The following TTLL3 variants were observed in gnomAD, a reference collection of about 807,000 sequenced individuals.
The protein encoded by TTLL3 is tubulin monoglycylase TTLL3.
TTLL3 carries 63 observed loss-of-function variants against 75.2 expected under a neutral mutation model. That is an observed-to-expected ratio of 0.84 (90% confidence interval 0.68 to 1.03). The LOEUF (loss-of-function observed/expected upper bound fraction) is 1.03, where lower values mean the gene tolerates loss of function less well. Ranked by LOEUF, TTLL3 falls within the 50% of genes least tolerant of loss-of-function variation. TTLL3 has a pLI of 0.00. For missense variants in TTLL3, 997 were observed against 1,069.9 expected, an observed-to-expected ratio of 0.93 and a Z score of 0.95; for synonymous variants, 393 against 418.5, an observed-to-expected ratio of 0.94 and a Z score of 0.74.
upstream of TTLL3, chr3:9,809,767 G>A (rs1012030455): frequency 3.0e-4 from 109 of 366,082 alleles, 3 homozygotes; most frequent in Non-Finnish European, 7.3e-5. Context: ...GGGTCTGGGT[G>A]AGGCCCCAGG....
chr3:9,833,371 G>C, intron 12 of TTLL3, 126 bp downstream of exon 12: 16 of 1,466,906 alleles, frequency 1.1e-5, no homozygotes, highest in Non-Finnish European at 1.5e-5. Context: ...GGGGAAGAAA[G>C]GCAAGGCGAA....
At position 9,823,169 on chromosome 3, in the gene TTLL3, A is replaced by G. The variant is rs376181369; in HGVS notation, c.854+2428A>G. 1.3e-4 allele frequency among the ~76,000 whole-genome samples: 20 copies of G among 151,856 alleles called. 1 individual carries two copies. In the East Asian group the frequency reaches 1.4e-3, roughly 10 times the overall value. ...GAGGCCAAGGCGGGCAGATCATGAG[A>G]TCAGGAGATCGAGACCATCCTGGCT... On this transcript the variant is annotated intron_variant, in intron 8 of 13. Transcript: ENST00000685419.
Position 9,835,292 on chromosome 3 carries a change from A to C in TTLL3, c.2251A>C (p.Thr751Pro). The C allele has an allele frequency of 6.2e-7, 1 of 1,614,206 alleles. No homozygotes were observed. The highest frequency in any genetic ancestry group is 1.3e-5 in the African/African-American group (1 of 75,062). The change falls in exon 14 of 14, where the codon ACA becomes CCA. Residue 751 changes from threonine (T) to proline (P), a missense_variant. Physicochemically the swap from Thr to Pro is conservative, Grantham distance 38 (BLOSUM62 -1). Transcript: ENST00000685419. Reference protein sequence around the residue: ...SPLKPLPLVGTFQRRRGLGDM... With the variant: ...SPLKPLPLVGPFQRRRGLGDM... The stretch of plus-strand genomic sequence containing the variant: ...CCTGAAACCCCTGCCCCTTGTTGGT[A>C]CATTCCAGAGGCGCAGGGGCCTGGG...
In TTLL3 at chr3:9,835,589, G is replaced by C; in HGVS notation, c.*100G>C. 1 of 1,212,140 alleles carries C rather than the reference G, an allele frequency of 8.2e-7. No homozygotes were observed. The highest frequency in any genetic ancestry group is 1.5e-5 in the African/African-American group (1 of 65,944). 75.1% of individuals were successfully genotyped at this position (1,212,140 alleles called of 1,614,324 possible). A position where few individuals can be genotyped will look rare whatever the true frequency, so the allele number is the denominator to read the frequency against. ...GGACTCCCCCAGCATCTCCGATCCAGGGGTGGGGAGCGTGAGCCTTCACTT... is the reference window on the plus strand; with the variant it reads ...GGACTCCCCCAGCATCTCCGATCCACGGGTGGGGAGCGTGAGCCTTCACTT... On this transcript the variant is annotated 3_prime_UTR_variant, in exon 14 of 14. Coordinates refer to ENST00000685419, the MANE Select transcript of TTLL3 (RefSeq NM_001387446.1).
chr3:9,820,789 G>A, intron 8 of TTLL3, 48 bp downstream of exon 8: 1 of 1,603,790 alleles, frequency 6.2e-7, no homozygotes, highest in Non-Finnish European at 8.5e-7. Context: ...GGTGCTTAGG[G>A]ATAGACCCTT....
At position 9,810,540 on chromosome 3, in the gene TTLL3, T is replaced by C. The variant is rs1482261157; in HGVS notation, c.-41-81T>C. On this transcript the variant is annotated intron_variant, in intron 1 of 13. Coordinates refer to ENST00000685419, the MANE Select transcript of TTLL3 (RefSeq NM_001387446.1). This position sits in a 1 kb window ranked among gnomAD's most constrained non-coding sequence, Gnocchi z 4.4. ...AGGAGGAAGAAAAGAGGCGTGGCTA[T>C]GGGCGGCCAGAAAAGATCCTAGGCC... 2 of 1,485,894 alleles carry C rather than the reference T, an allele frequency of 1.3e-6. No individual in the cohort carries two copies. Among genetic ancestry groups the C allele is most frequent in the Admixed American group, 2.4e-5 (1 of 41,084 alleles). 92.0% of individuals were successfully genotyped at this position (1,485,894 alleles called of 1,614,324 possible).
chr3:9,835,659 C>G lies in TTLL3; in HGVS notation c.*170C>G. ...TCTGAAAGAGGAGGCATGGCTTACC[C>G]AAGATCACGTGGCAGTGAGTCGACG... is the stretch of plus-strand genomic sequence containing the variant. On this transcript the variant is annotated 3_prime_UTR_variant, in exon 14 of 14. Coordinates refer to ENST00000685419, the MANE Select transcript of TTLL3 (RefSeq NM_001387446.1). The G allele has an allele frequency of 1.5e-6, 1 of 661,092 alleles. No individual in the cohort carries two copies. The highest frequency in any genetic ancestry group is 2.4e-6 in the Non-Finnish European group (1 of 409,746). The allele number at this position is 661,092 out of a possible 1,614,324, so 41.0% of individuals were successfully genotyped here.
intron 2 of TTLL3, 121 bp from the exon 3 acceptor site, chr3:9,812,822 C>T: frequency 8.5e-7 from 1 of 1,171,590 alleles, no homozygotes; most frequent in Non-Finnish European, 1.1e-6. Flanking sequence ...TTTATTTCTC[C>T]TAATGGAATA....
In TTLL3 at chr3:9,835,720, G is replaced by GC; in HGVS notation, c.*237dup. ...TTGCCAGAACTGCCGAGCACTGGGA[G>GC]CCCCCCAACCCCAGAGAACAAGCCA... On this transcript the variant is annotated 3_prime_UTR_variant, in exon 14 of 14. Coordinates refer to ENST00000685419, the MANE Select transcript of TTLL3 (RefSeq NM_001387446.1). 2.0e-6 allele frequency: 1 copy of GC among 503,776 alleles called. No homozygotes were observed. The highest frequency in any genetic ancestry group is 3.5e-6 in the Non-Finnish European group (1 of 289,082). 31.2% of individuals were successfully genotyped at this position (503,776 alleles called of 1,614,324 possible).
rs1201835393 is a variant in TTLL3 at position 9,813,299 on chromosome 3, A to T, written c.269A>T (p.Asp90Val). 6.2e-7 allele frequency: 1 copy of T among 1,614,252 alleles called. No individual in the cohort carries two copies. The highest frequency in any genetic ancestry group is 1.1e-5 in the South Asian group (1 of 91,088). ...EFQPSQLFDF[D>V]DLLKFDDLDG... ...CAGCCATCACAGCTGTTCGACTTCG[A>T]TGATTTACTGAAATTTGATGACCTA... The change falls in exon 4 of 14, where the codon GAT becomes GTT. Residue 90 changes from aspartate (D) to valine (V), a missense_variant. By Grantham distance (152) the Asp-to-Val change is radical (BLOSUM62 -3). Coordinates refer to ENST00000685419, the MANE Select transcript of TTLL3 (RefSeq NM_001387446.1).
chr3:9,835,382 A>G lies in TTLL3; in HGVS notation c.2341A>G (p.Asn781Asp). 6.2e-7 allele frequency: 1 copy of G among 1,614,030 alleles called. No individual in the cohort carries two copies. Among genetic ancestry groups the G allele is most frequent in the Non-Finnish European group, 8.5e-7 (1 of 1,180,032 alleles). ...PTALVLDPTPNKKKQVKYLGL... is the reference protein window; with the variant it reads ...PTALVLDPTPDKKKQVKYLGL... ...TGCCCTTGTCCTGGATCCAACACCA[A>G]ATAAAAAGAAACAAGTGAAGTATTT... Residue 781 changes from asparagine to aspartate, a missense_variant, in exon 14 of 14, where the codon AAT (asparagine) becomes GAT (aspartate). Coordinates refer to ENST00000685419, the MANE Select transcript of TTLL3 (RefSeq NM_001387446.1).
chr3:9,814,629 C>A (rs775223975), intron 4 of TTLL3, among the ~76,000 whole-genome samples: 5 of 151,498 alleles, frequency 3.3e-5, no homozygotes, highest in Non-Finnish European at 7.4e-5. Context: ...GCCTGGGCGA[C>A]AGAGTGAGAC....
At chr3:9,831,170 A>G (rs9835288) in intron 11 of TTLL3, among the ~76,000 whole-genome samples, 96,072 of 151,732 alleles carry the variant, frequency 0.63, 31,359 homozygotes, top group Non-Finnish European at 0.7. Context: ...AAAGGCTTAT[A>G]CCTTGCACTG....
intron 8 of TTLL3, among the ~76,000 whole-genome samples, chr3:9,825,030 C>CG (rs1299496368): frequency 6.6e-6 from 1 of 152,074 alleles, no homozygotes; most frequent in African/African-American, 2.4e-5. Context: ...CAGGAGCCAC[C>CG]GTGCCTGGCC....
chr3:9,823,165 T>C lies in TTLL3; in HGVS notation c.854+2424T>C, dbSNP rs372954221. 6.6e-5 allele frequency among the ~76,000 whole-genome samples: 10 copies of C among 151,960 alleles called. 1 individual carries two copies. The East Asian group carries it at 1.4e-3, about 21-fold the overall frequency. On this transcript the variant is annotated intron_variant, in intron 8 of 13. Coordinates refer to ENST00000685419, the MANE Select transcript of TTLL3 (RefSeq NM_001387446.1). ...TTGGGAGGCCAAGGCGGGCAGATCA[T>C]GAGATCAGGAGATCGAGACCATCCT...
intron 7 of TTLL3, chr3:9,819,889 G>A (rs1481287417): frequency 3.0e-6 from 3 of 985,450 alleles, no homozygotes; most frequent in East Asian, 2.3e-4. Context: ...CCATGCTTAA[G>A]CTTTTATGGT....
At chr3:9,830,306 T>A (rs192285470) in intron 11 of TTLL3, among the ~76,000 whole-genome samples, 1 of 152,306 alleles carries the variant, frequency 6.6e-6, no homozygotes, top group African/African-American at 2.4e-5. Flanking sequence ...ATTAGTAGTA[T>A]TATAATTATT....
In TTLL3 at chr3:9,834,679, A is replaced by G. The variant is rs772578475; in HGVS notation, c.1826-2A>G. ...GCCTCACAGCTTCTCTTGCTCCCAC[A>G]GCCCGTCACCACTTCCCCAGCCTCC... is the stretch of plus-strand genomic sequence containing the variant. On this transcript the variant is annotated splice_acceptor_variant, in intron 12 of 13. Transcript: ENST00000685419. LOFTEE classifies it high-confidence loss of function. 6 of 1,613,880 alleles carry G rather than the reference A, an allele frequency of 3.7e-6. No individual in the cohort carries two copies. In the East Asian group the frequency reaches 1.3e-4, roughly 36 times the overall value.
intron 9 of TTLL3, among the ~76,000 whole-genome samples, chr3:9,826,352 T>C (rs1486848903): frequency 6.6e-6 from 1 of 152,248 alleles, no homozygotes; most frequent in East Asian, 1.9e-4. Flanking sequence ...TTTTATTGTA[T>C]GCCCTTTCGT....
Sources: allele counts gnomAD v4.1 joint callset (sites outside exome capture counted in the v4.1 genomes callset), GRCh38; gene constraint gnomAD v4.1.1; non-coding constraint Gnocchi (gnomAD v3.1); transcripts MANE v1.5; gene names NCBI Gene and HGNC (gene_info 2026-07-23, HGNC 2026-07-21).